LSAMP: variants seen among roughly 807,000 people sequenced by gnomAD.
LSAMP encodes limbic system associated membrane protein.
LSAMP carries 7 observed loss-of-function variants against 38.6 expected under a neutral mutation model. The observed-to-expected ratio is 0.18, with a 90% confidence interval of 0.10 to 0.34. The LOEUF (loss-of-function observed/expected upper bound fraction) is 0.34, where lower values mean the gene tolerates loss of function less well. Ranked by LOEUF, LSAMP falls within the 10% of genes least tolerant of loss-of-function variation. LSAMP has a pLI of 1.00. For missense variants in LSAMP, 313 were observed against 420.0 expected (o/e 0.75, Z 2.23); for synonymous variants, 154 against 166.8 (o/e 0.92, Z 0.59).
chr3:116,112,200 A>C (rs533983596), intron 1 of LSAMP, among the ~76,000 whole-genome samples: 1 of 152,354 alleles, frequency 6.6e-6, no homozygotes, highest in African/African-American at 2.4e-5. Flanking sequence ...GTGGAAGTTC[A>C]AGATTAGTAC....
intron 1 of LSAMP, among the ~76,000 whole-genome samples, chr3:116,285,584 G>C (rs185189861): frequency 2.2e-4 from 33 of 151,000 alleles, no homozygotes; most frequent in Non-Finnish European, 3.5e-4. Flanking sequence ...CCCATTCCTT[G>C]TGCTTTCATT....
chr3:115,823,745 A>G (rs144355864), intron 6 of LSAMP, among the ~76,000 whole-genome samples: 73 of 152,298 alleles, frequency 4.8e-4, no homozygotes, highest in Admixed American at 1.6e-3. Flanking sequence ...TTTTTTCTCC[A>G]TTTTTCAGCT....
At chr3:116,039,087 T>C (rs1941110462) in intron 2 of LSAMP, among the ~76,000 whole-genome samples, 1 of 152,126 alleles carries the variant, frequency 6.6e-6, no homozygotes, top group Non-Finnish European at 1.5e-5. Flanking sequence ...ACCACAGGCA[T>C]AGAGAATTAG....
At chr3:116,319,469 A>T (rs1031367388) in intron 1 of LSAMP, among the ~76,000 whole-genome samples, 2 of 152,230 alleles carry the variant, frequency 1.3e-5, no homozygotes, top group African/African-American at 4.8e-5. Flanking sequence ...TAATCATACT[A>T]GCCTATGTAA....
intron 1 of LSAMP, among the ~76,000 whole-genome samples, chr3:116,377,900 G>A (rs2048514476): frequency 1.3e-5 from 2 of 151,824 alleles, no homozygotes; most frequent in South Asian, 4.2e-4. Context: ...CAGTTAATTG[G>A]GAGCCAGAAT....
At chr3:116,300,721 CT>C (rs2047395639) in intron 1 of LSAMP, among the ~76,000 whole-genome samples, 2 of 152,150 alleles carry the variant, frequency 1.3e-5, no homozygotes, top group African/African-American at 4.8e-5. Flanking sequence ...ACCACTCCCC[CT>C]ACCCCAGTTT....
At chr3:116,087,942 G>T (rs577495800) in intron 1 of LSAMP, among the ~76,000 whole-genome samples, 2 of 148,648 alleles carry the variant, frequency 1.3e-5, no homozygotes, top group South Asian at 2.1e-4. Context: ...CACCAAGACT[G>T]GGGAGCAGTG....
chr3:115,814,555 G>A (rs1309552580), intron 6 of LSAMP, among the ~76,000 whole-genome samples: 1 of 152,154 alleles, frequency 6.6e-6, no homozygotes, highest in Non-Finnish European at 1.5e-5. Flanking sequence ...ATTCAAATCT[G>A]GTCAACGGTT....
intron 3 of LSAMP, among the ~76,000 whole-genome samples, chr3:115,892,502 A>G (rs923349758): frequency 6.6e-6 from 1 of 151,996 alleles, no homozygotes; most frequent in Admixed American, 6.6e-5. Flanking sequence ...TATTATAGGT[A>G]TGATTCCACT....
At chr3:116,087,007 A>T (rs1490518116) in intron 1 of LSAMP, among the ~76,000 whole-genome samples, 4 of 152,186 alleles carry the variant, frequency 2.6e-5, no homozygotes, top group Non-Finnish European at 4.4e-5. Flanking sequence ...ATACTCCACC[A>T]TTATAGGAAT....
chr3:115,818,790 T>TTA lies in LSAMP; in HGVS notation c.920-8378_920-8377dup, dbSNP rs66654115. On this transcript the variant is annotated intron_variant, in intron 6 of 6. Coordinates refer to ENST00000490035, the MANE Select transcript of LSAMP (RefSeq NM_002338.5). ...ATAAGAAAGAAGGAAAGTTGTACTT[T>TTA]TATATATATATATATATATATATAT... Among the ~76,000 whole-genome samples the TTA allele has an allele frequency of 4.5e-3, 312 of 69,748 alleles. 19 individuals are homozygous for TTA. The highest frequency in any genetic ancestry group is 0.012 in the East Asian group (12 of 1,010). 45.8% of individuals were successfully genotyped at this position (69,748 alleles called of 152,430 possible).
chr3:116,044,558 G>T (rs949971100), intron 2 of LSAMP, among the ~76,000 whole-genome samples: 1 of 151,792 alleles, frequency 6.6e-6, no homozygotes, highest in African/African-American at 2.4e-5. Flanking sequence ...CTGAAATGGG[G>T]AGTCTGACAG....
chr3:116,221,172 G>GAAAAAAAAAAAA (rs1275673221), intron 1 of LSAMP, among the ~76,000 whole-genome samples: 9 of 66,612 alleles, frequency 1.4e-4, no homozygotes, highest in African/African-American at 1.8e-4. Context: ...AAAAAAAAAG[G>GAAAAAAAAAAAA]AAAGGGGCAG....
chr3:116,208,163 A>C (rs879024981), intron 1 of LSAMP, among the ~76,000 whole-genome samples: 18 of 151,376 alleles, frequency 1.2e-4, no homozygotes, highest in South Asian at 4.2e-4. Context: ...ATCTTCCATC[A>C]CTGATACCCT....
intron 4 of LSAMP, among the ~76,000 whole-genome samples, chr3:115,847,611 G>A (rs764646147): frequency 1.3e-5 from 2 of 152,108 alleles, no homozygotes; most frequent in African/African-American, 4.8e-5. Context: ...CAGTTCCCCC[G>A]TGCTGTTCTC....
At chr3:116,031,519 T>G (rs766537845) in intron 2 of LSAMP, among the ~76,000 whole-genome samples, 8 of 141,238 alleles carry the variant, frequency 5.7e-5, no homozygotes, top group Admixed American at 2.2e-4. Flanking sequence ...ATTTCATGCC[T>G]ACATAACTAG....
chr3:116,026,722 G>A (rs1347987694), intron 2 of LSAMP, among the ~76,000 whole-genome samples: 1 of 152,142 alleles, frequency 6.6e-6, no homozygotes, highest in Non-Finnish European at 1.5e-5. Flanking sequence ...CTGTGTTAAT[G>A]GCCTCAAATC....
chr3:116,417,915 G>A (rs2049073042), intron 1 of LSAMP, among the ~76,000 whole-genome samples: 1 of 152,150 alleles, frequency 6.6e-6, no homozygotes, highest in African/African-American at 2.4e-5. Context: ...GAAAAGGCCT[G>A]CACCCTTTTA....
chr3:115,875,706 G>A (rs1261737321), intron 3 of LSAMP, among the ~76,000 whole-genome samples: 1 of 151,944 alleles, frequency 6.6e-6, no homozygotes, highest in Non-Finnish European at 1.5e-5. Flanking sequence ...TACCTCATTA[G>A]CATTATTTCC....
Sources: gnomAD v4.1 joint callset for allele counts (sites outside exome capture counted in the v4.1 genomes callset) on GRCh38, gnomAD v4.1.1 for gene constraint, MANE v1.5 for transcripts, NCBI Gene and HGNC (gene_info 2026-07-23, HGNC 2026-07-21) for gene names.